The following EXOC4 variants were observed in gnomAD, a reference collection of about 807,000 sequenced individuals.
EXOC4 encodes exocyst complex component 4.
Under a neutral mutation model 107.2 loss-of-function variants are expected in EXOC4, and 71 were observed. That is an observed-to-expected ratio of 0.66 (90% CI 0.55 to 0.81). EXOC4 has a LOEUF of 0.81. Ranked by LOEUF, EXOC4 falls within the 30% of genes least tolerant of loss-of-function variation. The pLI, the probability that EXOC4 is intolerant of heterozygous loss-of-function variation, is 0.00. For missense variants in EXOC4, 1,108 were observed against 1,189.6 expected (o/e 0.93, Z 1.01); for synonymous variants, 456 against 441.2 (o/e 1.03, Z -0.42).
chr7:133,449,572 T>C (rs2150805804), intron 7 of EXOC4, among the ~76,000 whole-genome samples: 1 of 152,338 alleles, frequency 6.6e-6, no homozygotes, highest in Middle Eastern at 3.4e-3. Flanking sequence ...TTACAGGAAG[T>C]ATATAGCTAT....
chr7:133,774,453 C>T (rs1302331693), intron 10 of EXOC4, among the ~76,000 whole-genome samples: 1 of 152,024 alleles, frequency 6.6e-6, no homozygotes, highest in African/African-American at 2.4e-5. Flanking sequence ...TAGCCAGAGC[C>T]CAGCACATAA....
intron 10 of EXOC4, among the ~76,000 whole-genome samples, chr7:133,778,210 G>A (rs1034569320): frequency 1.3e-5 from 2 of 152,102 alleles, no homozygotes; most frequent in South Asian, 2.1e-4. Context: ...CTTAGGGGGG[G>A]TAATTAGTGA....
At chr7:133,974,279 A>G (rs1793775430) in intron 14 of EXOC4, among the ~76,000 whole-genome samples, 1 of 152,226 alleles carries the variant, frequency 6.6e-6, no homozygotes, top group Non-Finnish European at 1.5e-5. Context: ...TGGCTATATT[A>G]AGCACTGTGC....
At chr7:134,013,397 G>T (rs1794817892) in intron 17 of EXOC4, among the ~76,000 whole-genome samples, 1 of 152,104 alleles carries the variant, frequency 6.6e-6, no homozygotes, top group South Asian at 2.1e-4. Context: ...CAAAAACAAG[G>T]AAAGTCTGAA....
chr7:133,413,052 A>G (rs1584897241), intron 7 of EXOC4, among the ~76,000 whole-genome samples: 1 of 152,122 alleles, frequency 6.6e-6, no homozygotes, highest in Non-Finnish European at 1.5e-5. Context: ...TGGCATTTTA[A>G]TCAGTGGAAA....
chr7:133,576,658 G>T (rs1801136460), intron 9 of EXOC4: 1 of 1,289,624 alleles, frequency 7.8e-7, no homozygotes, highest in Non-Finnish European at 1.0e-6. Context: ...AGTTGAAAAA[G>T]AAACAATCAG....
chr7:133,927,681 A>C (rs1800082850), intron 13 of EXOC4, among the ~76,000 whole-genome samples: 1 of 152,264 alleles, frequency 6.6e-6, no homozygotes. Flanking sequence ...AAGATAAATC[A>C]GAAAACATGA....
At chr7:133,602,887 A>C (rs1801841480) in intron 9 of EXOC4, among the ~76,000 whole-genome samples, 1 of 152,138 alleles carries the variant, frequency 6.6e-6, no homozygotes, top group Non-Finnish European at 1.5e-5. Flanking sequence ...ATTCTTATAT[A>C]ATATGTAGGA....
intron 7 of EXOC4, among the ~76,000 whole-genome samples, chr7:133,390,257 C>A (rs1043540387): frequency 6.6e-6 from 1 of 152,180 alleles, no homozygotes; most frequent in Non-Finnish European, 1.5e-5. Context: ...TCAGCTTAAT[C>A]GGCTTTCTAT....
chr7:134,035,748 C>T (rs1055419436), intron 17 of EXOC4, among the ~76,000 whole-genome samples: 8 of 152,100 alleles, frequency 5.3e-5, no homozygotes, highest in African/African-American at 1.7e-4. Context: ...GCTCTTCCTT[C>T]CTTAAGGTGT....
chr7:133,681,293 CT>C (rs1367902999), intron 10 of EXOC4, among the ~76,000 whole-genome samples: 1 of 152,170 alleles, frequency 6.6e-6, no homozygotes, highest in African/African-American at 2.4e-5. Context: ...CATAAAGTCT[CT>C]GTCGTGTTTC....
chr7:134,036,629 A>G (rs1051495730), intron 17 of EXOC4, among the ~76,000 whole-genome samples: 1 of 152,276 alleles, frequency 6.6e-6, no homozygotes, highest in Admixed American at 6.5e-5. Flanking sequence ...CTGCTGAATG[A>G]ATTTTTTCTT....
chr7:133,636,048 C>T (rs1802699668), intron 10 of EXOC4, among the ~76,000 whole-genome samples: 1 of 152,152 alleles, frequency 6.6e-6, no homozygotes, highest in Non-Finnish European at 1.5e-5. Flanking sequence ...AGAAACTAGA[C>T]CACTAAAAGT....
At chr7:133,961,444 A>G (rs1334435235) in intron 14 of EXOC4, among the ~76,000 whole-genome samples, 1 of 97,856 alleles carries the variant, frequency 1.0e-5, no homozygotes, top group Non-Finnish European at 2.1e-5. Context: ...ACGCCACTGC[A>G]CCTGGCTAAT....
chr7:133,954,665 C>T (rs144941875), intron 14 of EXOC4, among the ~76,000 whole-genome samples: 1,547 of 152,322 alleles, frequency 0.01, 37 homozygotes, highest in African/African-American at 0.034. Context: ...TGCCTTTGCC[C>T]GAGTTTTGCT....
At chr7:134,058,629 G>A (rs886676489) in intron 17 of EXOC4, among the ~76,000 whole-genome samples, 4 of 151,798 alleles carry the variant, frequency 2.6e-5, no homozygotes, top group South Asian at 2.1e-4. Context: ...TTGTACAAAC[G>A]AATTTGAATC....
At chr7:133,769,280 G>GT (rs879442389) in intron 10 of EXOC4, among the ~76,000 whole-genome samples, 241 of 148,632 alleles carry the variant, frequency 1.6e-3, no homozygotes, top group East Asian at 5.1e-3. Flanking sequence ...TACATAGATT[G>GT]TTTTTTTTTT....
In EXOC4 at chr7:134,026,833, C is replaced by T. The variant is rs1021887165; in HGVS notation, c.2687+18998C>T. Among the ~76,000 whole-genome samples, 17 of 134,740 alleles carry T rather than the reference C, an allele frequency of 1.3e-4. No individual in the cohort carries two copies. The East Asian group carries it at 1.3e-3, about 11-fold the overall frequency. The allele number at this position is 134,740 out of a possible 152,430, so 88.4% of individuals were successfully genotyped here. ...AAGGAGGATTTTATAGGCAGAGCAA[C>T]GTTGCTTTCTTAAAAAACAAATGGT... On this transcript the variant is annotated intron_variant, in intron 17 of 17. Transcript: ENST00000253861.
At chr7:133,995,034 G>A (rs1213482300) in intron 14 of EXOC4, among the ~76,000 whole-genome samples, 1 of 152,040 alleles carries the variant, frequency 6.6e-6, no homozygotes, top group Non-Finnish European at 1.5e-5. Flanking sequence ...TTTTCATGTT[G>A]CTTTAATAAA....
Sources: allele counts gnomAD v4.1 joint callset (sites outside exome capture counted in the v4.1 genomes callset), GRCh38; gene constraint gnomAD v4.1.1; transcripts MANE v1.5; gene names NCBI Gene and HGNC (gene_info 2026-07-23, HGNC 2026-07-21).